Variants in MLLT10 observed in about 807,000 individuals in gnomAD.
The protein encoded by MLLT10 is protein AF-10.
Under a neutral mutation model 129.1 loss-of-function variants are expected in MLLT10, and 30 were observed. That is an observed-to-expected ratio of 0.23 (90% CI 0.17 to 0.32). The LOEUF is 0.32. Among genes scored for constraint, MLLT10 ranks in the 10% least tolerant of loss-of-function variants. The pLI is 1.00. For synonymous variants in MLLT10, 490 were observed against 446.4 expected (o/e 1.10, Z -1.23); for missense variants, 1,119 against 1,268.3 (o/e 0.88, Z 1.79).
chr10:21,672,205 G>GTA (rs1564620994), intron 10 of MLLT10, among the ~76,000 whole-genome samples: 1 of 151,000 alleles, frequency 6.6e-6, no homozygotes, highest in African/African-American at 2.4e-5. Context: ...GTGTGTGTGT[G>GTA]TGTGTATTTT....
chr10:21,732,943 C>T lies in MLLT10; in HGVS notation c.2263C>T (p.Arg755Ter). 1 of 1,613,680 alleles carries T rather than the reference C, an allele frequency of 6.2e-7. No homozygotes were observed. Among genetic ancestry groups the T allele is most frequent in the Non-Finnish European group, 8.5e-7 (1 of 1,179,894 alleles). ...ATTACACCAACTTCAAGTTGAAAAC[C>T]GAAGATTAGAGGAACAAATTAAAAA... ...KSLHQLQVENRRLEEQIKNLT... is the reference protein window; with the variant it reads ...KSLHQLQVEN Residue 755 changes from arginine to a stop codon, truncating the protein, a stop_gained, in exon 18 of 23, where the codon CGA (arginine) becomes TGA (stop). Coordinates refer to ENST00000307729, the MANE Select transcript of MLLT10 (RefSeq NM_001195626.3). LOFTEE classifies it high-confidence loss of function.
At position 21,682,352 on chromosome 10, in the gene MLLT10, T is replaced by G. The variant is rs180808158; in HGVS notation, c.1699+95T>G. On this transcript the variant is annotated intron_variant, in intron 13 of 22. Transcript: ENST00000307729. Reference sequence around the variant, plus strand: ...TTGAAAGCTAGCATGTTCTATTGATTAGATGAAATCCAGTGCTGCAGTGAG... The same window carrying G: ...TTGAAAGCTAGCATGTTCTATTGATGAGATGAAATCCAGTGCTGCAGTGAG... 67 of 1,231,482 alleles carry G rather than the reference T, an allele frequency of 5.4e-5. No homozygotes were observed. In the East Asian group the frequency reaches 1.5e-3, roughly 28 times the overall value. The allele number at this position is 1,231,482 out of a possible 1,614,324, so 76.3% of individuals were successfully genotyped here. A position where few individuals can be genotyped will look rare whatever the true frequency, so the allele number is the denominator to read the frequency against.
At chr10:21,734,174 A>G in intron 20 of MLLT10, 45 bp downstream of exon 20, 1 of 1,542,372 alleles carries the variant, frequency 6.5e-7, no homozygotes, top group Non-Finnish European at 8.7e-7. Context: ...ATAACAGAGT[A>G]CCGGTGTTGT....
chr10:21,704,355 CTCTATATATATATA>C (rs1337240568), intron 13 of MLLT10, among the ~76,000 whole-genome samples: 63 of 70,446 alleles, frequency 8.9e-4, no homozygotes, highest in African/African-American at 2.6e-3. Flanking sequence ...CTCTCTCTCT[CTCTATATATATATA>C]TATATATATA....
intron 5 of MLLT10, among the ~76,000 whole-genome samples, chr10:21,606,225 A>G (rs1050231187): frequency 2.6e-5 from 4 of 152,270 alleles, no homozygotes; most frequent in Non-Finnish European, 4.4e-5. Flanking sequence ...AGACACAACA[A>G]TATTGAATGT....
chr10:21,625,022 G>T lies in MLLT10; in HGVS notation c.699+7815G>T, dbSNP rs1342283569. The stretch of plus-strand genomic sequence containing the variant: ...CTGCATAGCCACCATCATAGCCATA[G>T]TAGGGAATCTTCGTAACCTCCTTGA... On this transcript the variant is annotated intron_variant, in intron 8 of 22. Transcript: ENST00000307729. 24 of 974,124 alleles carry T rather than the reference G, an allele frequency of 2.5e-5. No homozygotes were observed. The Admixed American group carries it at 4.5e-4, about 18-fold the overall frequency. 60.3% of individuals were successfully genotyped at this position (974,124 alleles called of 1,614,324 possible).
rs778082018 is a variant in MLLT10 at position 21,733,570 on chromosome 10, A to C, written c.2474A>C (p.Asn825Thr). ...ATAGGAAACAGCTTTTTACCTGATAATTCTCTTCCTGTATTAAATCAGGTA... is the reference window on the plus strand; with the variant it reads ...ATAGGAAACAGCTTTTTACCTGATACTTCTCTTCCTGTATTAAATCAGGTA... ...PHIGNSFLPD[N>T]SLPVLNQDLT... is the part of the protein sequence containing the mutation. Residue 825 changes from asparagine to threonine, a missense_variant, in exon 19 of 23, where the codon AAT (asparagine) becomes ACT (threonine). Asn to Thr is a moderately conservative substitution (Grantham distance 65, BLOSUM62 0). Coordinates refer to ENST00000307729, the MANE Select transcript of MLLT10 (RefSeq NM_001195626.3). 1.3e-6 allele frequency: 2 copies of C among 1,572,868 alleles called. No homozygotes were observed. Among genetic ancestry groups the C allele is most frequent in the Non-Finnish European group, 1.7e-6 (2 of 1,163,226 alleles).
chr10:21,553,914 T>C (rs1303305511), intron 3 of MLLT10, among the ~76,000 whole-genome samples: 1 of 152,178 alleles, frequency 6.6e-6, no homozygotes, highest in African/African-American at 2.4e-5. Flanking sequence ...CCTCCCAAAA[T>C]GTTGGGATTA....
chr10:21,534,160 C>T (rs2033325410), upstream of MLLT10: 3 of 377,678 alleles, frequency 7.9e-6, no homozygotes, highest in South Asian at 4.3e-4. Context: ...GGGCAGCCAA[C>T]AGGCCGCGGC....
At chr10:21,720,028 C>T (rs914233532) in intron 14 of MLLT10, among the ~76,000 whole-genome samples, 21 of 152,064 alleles carry the variant, frequency 1.4e-4, no homozygotes, top group Non-Finnish European at 2.4e-4. Flanking sequence ...AATTTTTTCC[C>T]AGAAAGGTAA....
Position 21,617,090 on chromosome 10 carries a change from GTATA to G in MLLT10, c.604-16_604-13del, listed in dbSNP as rs1407236346. ...AAGTTTTATATACATATACATATAT[GTATA>G]TATATTTTCTTTTTTAGAAAAAGAG... On this transcript the variant is annotated intron_variant, in intron 7 of 22. Transcript: ENST00000307729. 8.3e-7 allele frequency: 1 copy of G among 1,202,388 alleles called. No homozygotes were observed. Among genetic ancestry groups the G allele is most frequent in the Non-Finnish European group, 1.2e-6 (1 of 869,126 alleles). The allele number at this position is 1,202,388 out of a possible 1,614,324, so 74.5% of individuals were successfully genotyped here. A position where few individuals can be genotyped will look rare whatever the true frequency, so the allele number is the denominator to read the frequency against.
chr10:21,693,646 T>A (rs1375657700), intron 13 of MLLT10, among the ~76,000 whole-genome samples: 1 of 152,162 alleles, frequency 6.6e-6, no homozygotes, highest in Non-Finnish European at 1.5e-5. Flanking sequence ...ATTGAGAGAA[T>A]TCATGCGTTT....
intron 11 of MLLT10, among the ~76,000 whole-genome samples, chr10:21,675,493 G>GA (rs1243143872): frequency 2.0e-5 from 3 of 152,172 alleles, no homozygotes; most frequent in African/African-American, 7.2e-5. Flanking sequence ...TTTAGAGGGG[G>GA]AAAATACATG....
intron 3 of MLLT10, among the ~76,000 whole-genome samples, chr10:21,562,368 A>T (rs1457950765): frequency 6.7e-6 from 1 of 149,412 alleles, no homozygotes; most frequent in African/African-American, 2.5e-5. Context: ...ACGGCGTCTC[A>T]CTCTTGTTGC....
At chr10:21,537,376 C>A (rs2034233182) in intron 2 of MLLT10, among the ~76,000 whole-genome samples, 1 of 152,106 alleles carries the variant, frequency 6.6e-6, no homozygotes, top group African/African-American at 2.4e-5. Flanking sequence ...CGGCTCACTG[C>A]AGCCTCTACC....
chr10:21,715,915 A>G (rs1274397869), intron 14 of MLLT10, among the ~76,000 whole-genome samples: 1 of 152,216 alleles, frequency 6.6e-6, no homozygotes, highest in Non-Finnish European at 1.5e-5. Context: ...GTACTGAGAT[A>G]CCTACATCTA....
chr10:21,674,489 T>A (rs1411697309), intron 11 of MLLT10, among the ~76,000 whole-genome samples: 1 of 152,232 alleles, frequency 6.6e-6, no homozygotes, highest in African/African-American at 2.4e-5. Flanking sequence ...AATTGTGTTT[T>A]CAAATATACT....
intron 9 of MLLT10, among the ~76,000 whole-genome samples, chr10:21,653,222 G>C (rs1298848863): frequency 6.6e-6 from 1 of 152,184 alleles, no homozygotes; most frequent in Non-Finnish European, 1.5e-5. Flanking sequence ...GTGTTGGATG[G>C]TCTGGGTTCT....
At chr10:21,717,644 C>T (rs1284891276) in intron 14 of MLLT10, among the ~76,000 whole-genome samples, 7 of 128,512 alleles carry the variant, frequency 5.4e-5, no homozygotes, top group African/African-American at 2.0e-4. Flanking sequence ...CCTCCTTTTC[C>T]TCCTCCTCTT....
Sources: gnomAD v4.1 joint callset for allele counts (sites outside exome capture counted in the v4.1 genomes callset) on GRCh38, gnomAD v4.1.1 for gene constraint, MANE v1.5 for transcripts, NCBI Gene and HGNC (gene_info 2026-07-23, HGNC 2026-07-21) for gene names.